Variants in UBASH3B observed in about 807,000 individuals in gnomAD.
UBASH3B encodes ubiquitin-associated and SH3 domain-containing protein B.
Under a neutral mutation model 83.4 loss-of-function variants are expected in UBASH3B, and 37 were observed. That is an observed-to-expected ratio of 0.44 (90% confidence interval 0.34 to 0.58). The LOEUF (loss-of-function observed/expected upper bound fraction) is 0.58, where lower values mean the gene tolerates loss of function less well. Among genes scored for constraint, UBASH3B ranks in the 20% least tolerant of loss-of-function variants. The pLI, the probability that UBASH3B is intolerant of heterozygous loss-of-function variation, is 0.01. For synonymous variants in UBASH3B, 304 were observed against 318.3 expected, an observed-to-expected ratio of 0.96 and a Z score of 0.48; for missense variants, 657 against 827.2, an observed-to-expected ratio of 0.79 and a Z score of 2.52.
chr11:122,702,056 G>A (rs1565534467), intron 1 of UBASH3B, among the ~76,000 whole-genome samples: 1 of 152,190 alleles, frequency 6.6e-6, no homozygotes, highest in East Asian at 1.9e-4. Flanking sequence ...CAGTGAAGAC[G>A]ACCGTTTCTT....
At chr11:122,731,632 C>T (rs1198508924) in intron 1 of UBASH3B, among the ~76,000 whole-genome samples, 1 of 152,142 alleles carries the variant, frequency 6.6e-6, no homozygotes, top group Non-Finnish European at 1.5e-5. Flanking sequence ...TGATTCATGT[C>T]CCTAGTGGAA....
intron 1 of UBASH3B, among the ~76,000 whole-genome samples, chr11:122,746,986 A>G (rs969969424): frequency 6.6e-6 from 1 of 152,178 alleles, no homozygotes; most frequent in African/African-American, 2.4e-5. Flanking sequence ...CAGCAGAAAA[A>G]GCAAAGTGGG....
chr11:122,679,565 C>A (rs1044460215), intron 1 of UBASH3B, among the ~76,000 whole-genome samples: 1 of 152,190 alleles, frequency 6.6e-6, no homozygotes, highest in African/African-American at 2.4e-5. Context: ...GGTATGTACA[C>A]TGAAGTCTGG....
At chr11:122,798,588 G>A (rs1213586935) in intron 9 of UBASH3B, among the ~76,000 whole-genome samples, 1 of 151,830 alleles carries the variant, frequency 6.6e-6, no homozygotes, top group African/African-American at 2.4e-5. Flanking sequence ...GTGCGCGCCT[G>A]TACTCCCAGC....
Position 122,684,717 on chromosome 11 carries a change from C to T in UBASH3B, c.161+28507C>T, listed in dbSNP as rs769194506. 3.4e-4 allele frequency among the ~76,000 whole-genome samples: 51 copies of T among 152,158 alleles called. 1 individual carries two copies. Among genetic ancestry groups the T allele is most frequent in the Non-Finnish European group, 5.7e-4 (39 of 68,020 alleles). On this transcript the variant is annotated intron_variant, in intron 1 of 13. Transcript: ENST00000284273. The stretch of plus-strand genomic sequence containing the variant: ...GGTTCAAGTGATTCTCCTGCCTCAG[C>T]CTCCCAAGTAGCTGGGATTACAGGC...
intron 1 of UBASH3B, among the ~76,000 whole-genome samples, chr11:122,730,958 G>A (rs1006524429): frequency 1.3e-5 from 2 of 152,148 alleles, no homozygotes; most frequent in Non-Finnish European, 2.9e-5. Flanking sequence ...CTCCCTGACA[G>A]TGGAACCTTC....
chr11:122,666,299 T>A (rs1217334029), intron 1 of UBASH3B, among the ~76,000 whole-genome samples: 1 of 152,282 alleles, frequency 6.6e-6, no homozygotes, highest in Non-Finnish European at 1.5e-5. Context: ...GAAATCTGCC[T>A]CATGGCTGCT....
intron 1 of UBASH3B, among the ~76,000 whole-genome samples, chr11:122,697,041 C>G (rs1353410758): frequency 6.6e-6 from 1 of 152,116 alleles, no homozygotes; most frequent in Non-Finnish European, 1.5e-5. Flanking sequence ...AAAAGTCAGC[C>G]CAGCTCTTTT....
intron 1 of UBASH3B, among the ~76,000 whole-genome samples, chr11:122,682,357 A>G (rs1399707191): frequency 6.6e-6 from 1 of 152,076 alleles, no homozygotes; most frequent in Non-Finnish European, 1.5e-5. Context: ...TTTGATATGG[A>G]TGATAGTTAT....
intron 4 of UBASH3B, among the ~76,000 whole-genome samples, chr11:122,781,691 C>T (rs189136877): frequency 4.6e-5 from 7 of 152,352 alleles, no homozygotes; most frequent in Admixed American, 6.5e-5. Flanking sequence ...CATGTCTTTG[C>T]CCTGGAACTT....
chr11:122,804,733 T>A (rs967177557), intron 11 of UBASH3B, among the ~76,000 whole-genome samples: 5 of 152,162 alleles, frequency 3.3e-5, no homozygotes, highest in Non-Finnish European at 4.4e-5. Context: ...ATAGCCTACT[T>A]CTGATCAAGA....
chr11:122,661,557 G>T (rs1863438377), intron 1 of UBASH3B, among the ~76,000 whole-genome samples: 1 of 152,216 alleles, frequency 6.6e-6, no homozygotes, highest in South Asian at 2.1e-4. Flanking sequence ...GGCTCTTATA[G>T]GTGGGCAGGG....
chr11:122,715,872 T>C (rs749180450), intron 1 of UBASH3B, among the ~76,000 whole-genome samples: 100 of 152,218 alleles, frequency 6.6e-4, no homozygotes, highest in Non-Finnish European at 1.4e-3. Flanking sequence ...GAGGCAGCAC[T>C]CCTCCGCCAA....
intron 1 of UBASH3B, among the ~76,000 whole-genome samples, chr11:122,688,142 T>C (rs10750219): frequency 0.43 from 64,579 of 151,876 alleles, 14,940 homozygotes; most frequent in East Asian, 0.67. Context: ...TTGGTTTTAA[T>C]TGGGGTGATG....
At chr11:122,695,219 C>A (rs1863951773) in intron 1 of UBASH3B, among the ~76,000 whole-genome samples, 1 of 152,120 alleles carries the variant, frequency 6.6e-6, no homozygotes, top group African/African-American at 2.4e-5. Context: ...CCGTCTTGGC[C>A]TCCCAAAGTG....
intron 11 of UBASH3B, among the ~76,000 whole-genome samples, chr11:122,805,198 G>A (rs1861317311): frequency 1.3e-5 from 2 of 152,246 alleles, no homozygotes; most frequent in South Asian, 4.1e-4. Flanking sequence ...ATTGCAGCAG[G>A]CAAAGAGAGA....
intron 6 of UBASH3B, among the ~76,000 whole-genome samples, chr11:122,792,006 C>T (rs114507109): frequency 4.9e-4 from 75 of 152,268 alleles, no homozygotes; most frequent in African/African-American, 1.7e-3. Flanking sequence ...ATGTCAGGCC[C>T]GGCTTCCTCC....
chr11:122,724,235 GTAC>G (rs1217590575), intron 1 of UBASH3B, among the ~76,000 whole-genome samples: 4 of 152,196 alleles, frequency 2.6e-5, no homozygotes, highest in African/African-American at 7.2e-5. Context: ...GTGCCTCGGT[GTAC>G]TCATCGGTAA....
intron 1 of UBASH3B, among the ~76,000 whole-genome samples, chr11:122,683,622 A>ATAATAATAC (rs1863772378): frequency 6.6e-6 from 1 of 150,718 alleles, no homozygotes; most frequent in African/African-American, 2.4e-5. Flanking sequence ...AAAAAAAATA[A>ATAATAATAC]TAATAATAAA....
Sources: gnomAD v4.1 joint callset for allele counts (sites outside exome capture counted in the v4.1 genomes callset) on GRCh38, gnomAD v4.1.1 for gene constraint, MANE v1.5 for transcripts, NCBI Gene and HGNC (gene_info 2026-07-23, HGNC 2026-07-21) for gene names.